Variants in HAVCR2 observed in about 807,000 individuals in gnomAD.
HAVCR2 encodes the protein T cell immunoglobulin mucin 3.
In HAVCR2, 13 loss-of-function variants were observed where a neutral mutation model predicts 24.7. The ratio of observed to expected loss-of-function variants is 0.53; its 90% CI spans 0.34 to 0.84. The LOEUF is 0.84. Among genes scored for constraint, HAVCR2 ranks in the 40% least tolerant of loss-of-function variants. The pLI is 0.01. For synonymous variants in HAVCR2, 154 were observed against 143.4 expected (o/e 1.07, Z -0.53); for missense variants, 343 against 371.2 (o/e 0.92, Z 0.62).
chr5:157,089,006 A>G (rs1409492494), intron 5 of HAVCR2, 29 bp from the exon 6 acceptor site: 1 of 1,581,970 alleles, frequency 6.3e-7, no homozygotes, highest in Non-Finnish European at 8.6e-7. Flanking sequence ...AAGCCAATAA[A>G]AATGCATTCA....
chr5:157,090,710 G>A (rs115920936), intron 5 of HAVCR2, among the ~76,000 whole-genome samples: 161 of 152,278 alleles, frequency 1.1e-3, no homozygotes, highest in African/African-American at 3.7e-3. Flanking sequence ...TATTGGATTC[G>A]AAGGAGGAAT....
intron 3 of HAVCR2, among the ~76,000 whole-genome samples, chr5:157,103,090 G>A (rs1165919399): frequency 6.6e-6 from 1 of 152,118 alleles, no homozygotes; most frequent in African/African-American, 2.4e-5. Context: ...CTGGCCGGGC[G>A]CGGTGGCTCA....
intron 5 of HAVCR2, among the ~76,000 whole-genome samples, chr5:157,089,999 G>C (rs1201751720): frequency 6.6e-6 from 1 of 151,880 alleles, no homozygotes; most frequent in Non-Finnish European, 1.5e-5. Context: ...CATCATTTCT[G>C]TGTTGTGGGT....
intron 5 of HAVCR2, among the ~76,000 whole-genome samples, chr5:157,089,496 A>C (rs1756962998): frequency 6.6e-6 from 1 of 151,146 alleles, no homozygotes; most frequent in Non-Finnish European, 1.5e-5. Flanking sequence ...AGATTGCGCC[A>C]TTGCACTCCA....
intron 3 of HAVCR2, 109 bp from the exon 4 acceptor site, chr5:157,099,010 T>A: frequency 1.1e-6 from 1 of 941,636 alleles, no homozygotes; most frequent in Non-Finnish European, 1.5e-6. Context: ...CCTATAATCC[T>A]ATTTGAAATG....
chr5:157,101,941 ATTTTTTTTT>A (rs869260432), intron 3 of HAVCR2, among the ~76,000 whole-genome samples: 48 of 83,042 alleles, frequency 5.8e-4, no homozygotes, highest in Middle Eastern at 0.015. Context: ...ATGCCCGGCT[ATTTTTTTTT>A]TTTTTTTTTT....
intron 3 of HAVCR2, 50 bp from the exon 4 acceptor site, chr5:157,098,951 A>C: frequency 6.5e-7 from 1 of 1,537,662 alleles, no homozygotes; most frequent in Non-Finnish European, 8.8e-7. Flanking sequence ...CCAATAGTAT[A>C]GTTAAGAACG....
At chr5:157,089,385 A>T (rs1756960407) in intron 5 of HAVCR2, among the ~76,000 whole-genome samples, 1 of 152,098 alleles carries the variant, frequency 6.6e-6, no homozygotes, top group African/African-American at 2.4e-5. Flanking sequence ...AAAAATACAA[A>T]ATTAGCTGGA....
chr5:157,087,130 G>C lies in HAVCR2; in HGVS notation c.878C>G (p.Pro293Arg). Reference protein sequence around the residue: ...YVSSRQQPSQPLGCRFAMP With the variant: ...YVSSRQQPSQRLGCRFAMP Reference sequence around the variant, plus strand: ...TGGCATTGCAAAGCGACAACCCAAAGGTTGTGAGGGTTGCTGCCTGCTGCT... The same window carrying C: ...TGGCATTGCAAAGCGACAACCCAAACGTTGTGAGGGTTGCTGCCTGCTGCT... The change falls in exon 7 of 7, where the codon CCT (proline) becomes CGT (arginine). Residue 293 changes from proline to arginine, a missense_variant. Pro to Arg is a moderately radical substitution (Grantham distance 103). Transcript: ENST00000307851. The C allele has an allele frequency of 1.2e-6, 2 of 1,613,832 alleles. No homozygotes were observed. Among genetic ancestry groups the C allele is most frequent in the Non-Finnish European group, 1.7e-6 (2 of 1,179,964 alleles).
chr5:157,096,308 G>A (rs1323007994), intron 4 of HAVCR2, among the ~76,000 whole-genome samples: 1 of 150,852 alleles, frequency 6.6e-6, no homozygotes, highest in Non-Finnish European at 1.5e-5. Context: ...GGAAAACTAA[G>A]TGAGAGAAAA....
At position 157,106,624 on chromosome 5, in the gene HAVCR2, C is replaced by CA. The variant is rs1186282911; in HGVS notation, c.394+2dup. 3 of 1,610,940 alleles carry CA rather than the reference C, an allele frequency of 1.9e-6. No homozygotes were observed. Among genetic ancestry groups the CA allele is most frequent in the Non-Finnish European group, 2.5e-6 (3 of 1,177,130 alleles). On this transcript the variant is annotated splice_region_variant and intron_variant, in intron 2 of 6. Coordinates refer to ENST00000307851, the MANE Select transcript of HAVCR2 (RefSeq NM_032782.5). ...TAAAGATGGCATGCAAATGTCCACTCACCTGGTTTGATGACCAACTTCAGG... is the reference window on the plus strand; with the variant it reads ...TAAAGATGGCATGCAAATGTCCACTCAACCTGGTTTGATGACCAACTTCAGG...
In HAVCR2 at chr5:157,098,785, C is replaced by T. The variant is rs1408185623; in HGVS notation, c.522+73G>A. The T allele has an allele frequency of 2.2e-5, 30 of 1,357,592 alleles. No individual in the cohort carries two copies. The South Asian group carries it at 3.6e-4, about 16-fold the overall frequency. The allele number at this position is 1,357,592 out of a possible 1,614,324, so 84.1% of individuals were successfully genotyped here. A position where few individuals can be genotyped will look rare whatever the true frequency, so the allele number is the denominator to read the frequency against. On this transcript the variant is annotated intron_variant, in intron 4 of 6. Transcript: ENST00000307851. ...CTTTTTACCCCAAGGACAAGGTGGG[C>T]ATGAAGGAAGTCTAAAGCCATGATT...
At chr5:157,093,540 A>C (rs990560367) in intron 5 of HAVCR2, among the ~76,000 whole-genome samples, 1 of 152,126 alleles carries the variant, frequency 6.6e-6, no homozygotes, top group South Asian at 2.1e-4. Context: ...CTCACTCTAC[A>C]CACACAGTCC....
intron 6 of HAVCR2, among the ~76,000 whole-genome samples, chr5:157,088,328 G>A (rs1312989218): frequency 2.6e-5 from 4 of 152,218 alleles, no homozygotes; most frequent in African/African-American, 9.6e-5. Context: ...GTGTGGGTGT[G>A]TATAATCAGG....
intron 5 of HAVCR2, among the ~76,000 whole-genome samples, chr5:157,091,671 T>C (rs1027224749): frequency 1.3e-5 from 2 of 152,078 alleles, no homozygotes; most frequent in African/African-American, 4.8e-5. Flanking sequence ...GACTAGAACA[T>C]ATATTCTGCT....
chr5:157,100,593 T>G (rs1449530217), intron 3 of HAVCR2, among the ~76,000 whole-genome samples: 1 of 152,204 alleles, frequency 6.6e-6, no homozygotes, highest in Non-Finnish European at 1.5e-5. Context: ...GCTTACTCAT[T>G]TTTATGGCTG....
At position 157,109,042 on chromosome 5, in the gene HAVCR2, A is replaced by C. The variant is rs980270904; in HGVS notation, c.-59T>G. On this transcript the variant is annotated 5_prime_UTR_variant, in exon 1 of 7. It adds an upstream start codon to the 5' untranslated region. Transcript: ENST00000307851. ...TGTTAGGCACAGTTTTAACTCTCCA[A>C]ATGGACTGGGTACTTCTTCCAACTG... 2 of 1,493,308 alleles carry C rather than the reference A, an allele frequency of 1.3e-6. No individual in the cohort carries two copies. Among genetic ancestry groups the C allele is most frequent in the South Asian group, 1.1e-5 (1 of 87,446 alleles). The allele number at this position is 1,493,308 out of a possible 1,614,324, so 92.5% of individuals were successfully genotyped here. A position where few individuals can be genotyped will look rare whatever the true frequency, so the allele number is the denominator to read the frequency against.
Position 157,104,864 on chromosome 5 carries a change from A to C in HAVCR2, c.395-115T>G, listed in dbSNP as rs1757223704. ...AAAGACAATTAAGAAAGAGAAATAC[A>C]CCCTCAGCTTCCAAACCTGCCTGGA... is the stretch of plus-strand genomic sequence containing the variant. On this transcript the variant is annotated intron_variant, in intron 2 of 6. Transcript: ENST00000307851. 1.1e-5 allele frequency: 7 copies of C among 646,642 alleles called. No homozygotes were observed. In the South Asian group the frequency reaches 1.3e-4, roughly 12 times the overall value. 40.1% of individuals were successfully genotyped at this position (646,642 alleles called of 1,614,324 possible). A position where few individuals can be genotyped will look rare whatever the true frequency, so the allele number is the denominator to read the frequency against.
At chr5:157,094,686 T>G (rs2113687793) in intron 5 of HAVCR2, among the ~76,000 whole-genome samples, 1 of 151,808 alleles carries the variant, frequency 6.6e-6, no homozygotes, top group African/African-American at 2.4e-5. Context: ...CCGGGCCTGT[T>G]TTTTTGTTTT....
Sources: gnomAD v4.1 joint callset for allele counts (sites outside exome capture counted in the v4.1 genomes callset) on GRCh38, gnomAD v4.1.1 for gene constraint, MANE v1.5 for transcripts, NCBI Gene and HGNC (gene_info 2026-07-23, HGNC 2026-07-21) for gene names.